Variants in PHACTR4 observed in about 807,000 individuals in gnomAD.
PHACTR4 encodes the protein phosphatase and actin regulator 4.
A neutral mutation model predicts 72.7 loss-of-function variants in PHACTR4; 51 were observed. The ratio of observed to expected loss-of-function variants is 0.70; its 90% CI spans 0.56 to 0.89. PHACTR4 has a LOEUF of 0.89. Among genes scored for constraint, PHACTR4 ranks in the 40% least tolerant of loss-of-function variants. The pLI is 0.00. For missense variants in PHACTR4, 731 were observed against 861.8 expected (o/e 0.85, Z 1.90); for synonymous variants, 255 against 302.5 (o/e 0.84, Z 1.63).
rs1199580376 is a variant in PHACTR4 at position 28,490,950 on chromosome 1, G to A, written c.1817-1G>A. On this transcript the variant is annotated splice_acceptor_variant, in intron 10 of 13. Transcript: ENST00000373839. LOFTEE classifies it high-confidence loss of function. ...TCCTTCCTTCTGATTGTCAACTGTA[G>A]CTAAAAATGAAGCTGATCGTCAGGC... 6.2e-7 allele frequency: 1 copy of A among 1,613,552 alleles called. No individual in the cohort carries two copies. The highest frequency in any genetic ancestry group is 1.7e-5 in the Admixed American group (1 of 59,982).
At position 28,373,383 on chromosome 1, in the gene PHACTR4, C is replaced by T. The variant is rs1240180078; in HGVS notation, c.-39+3558C>T. ...TTGGCTCACTGCAACCTCTGCCTCC[C>T]GGGTTTAAGTGATTCTTCTGCCTCA... On this transcript the variant is annotated intron_variant, in intron 1 of 13. Coordinates refer to ENST00000373839, the MANE Select transcript of PHACTR4 (RefSeq NM_001048183.3). Among the ~76,000 whole-genome samples the T allele has an allele frequency of 4.6e-5, 7 of 152,206 alleles. No homozygotes were observed. The East Asian group carries it at 1.2e-3, about 25-fold the overall frequency.
At chr1:28,423,596 G>A (rs902464880) in intron 2 of PHACTR4, among the ~76,000 whole-genome samples, 1 of 152,120 alleles carries the variant, frequency 6.6e-6, no homozygotes, top group Non-Finnish European at 1.5e-5. Context: ...GAGAGTTTTT[G>A]TTGTATATGT....
At chr1:28,439,860 T>C (rs553747097) in intron 2 of PHACTR4, among the ~76,000 whole-genome samples, 36 of 152,290 alleles carry the variant, frequency 2.4e-4, no homozygotes, top group Non-Finnish European at 3.5e-4. Flanking sequence ...TGTTAGCAAG[T>C]ATAGTAAGGA....
At chr1:28,421,005 GT>G (rs1262716128) in intron 2 of PHACTR4, among the ~76,000 whole-genome samples, 2 of 152,140 alleles carry the variant, frequency 1.3e-5, no homozygotes, top group Admixed American at 6.5e-5. Flanking sequence ...GTCACACTAA[GT>G]TTTGTAAGGT....
intron 2 of PHACTR4, among the ~76,000 whole-genome samples, chr1:28,449,475 C>A (rs1415768354): frequency 2.0e-5 from 3 of 152,032 alleles, no homozygotes; most frequent in Admixed American, 6.6e-5. Flanking sequence ...TAATATGTAT[C>A]TATAGCAAAT....
In PHACTR4 at chr1:28,487,717, G is replaced by GTT. The variant is rs1320016675; in HGVS notation, c.1761-1448_1761-1447dup. Reference sequence around the variant, plus strand: ...CTGATTTCAAAAATGACAAATTGTAGTTTTTTGTTGTTTTTTTTTTTTTTT... The same window carrying GTT: ...CTGATTTCAAAAATGACAAATTGTAGTTTTTTTTGTTGTTTTTTTTTTTTTTT... On this transcript the variant is annotated intron_variant, in intron 9 of 13. Coordinates refer to ENST00000373839, the MANE Select transcript of PHACTR4 (RefSeq NM_001048183.3). Among the ~76,000 whole-genome samples, 609 of 102,400 alleles carry GTT rather than the reference G, an allele frequency of 5.9e-3. 43 individuals are homozygous for GTT. Among genetic ancestry groups the GTT allele is most frequent in the African/African-American group, 0.024 (584 of 24,606 alleles). The allele number at this position is 102,400 out of a possible 152,430, so 67.2% of individuals were successfully genotyped here.
intron 1 of PHACTR4, among the ~76,000 whole-genome samples, chr1:28,375,968 C>T (rs1651626939): frequency 6.6e-6 from 1 of 152,026 alleles, no homozygotes; most frequent in Admixed American, 6.6e-5. Flanking sequence ...ACTTGGGAGG[C>T]TGAGGCAGGA....
At chr1:28,399,077 C>T (rs1653749953) in intron 1 of PHACTR4, among the ~76,000 whole-genome samples, 2 of 151,902 alleles carry the variant, frequency 1.3e-5, no homozygotes, top group Admixed American at 1.3e-4. Context: ...TTTGGGAGGC[C>T]GAGGCGGGTG....
At chr1:28,403,348 A>T (rs1471179801) in intron 1 of PHACTR4, among the ~76,000 whole-genome samples, 1 of 152,066 alleles carries the variant, frequency 6.6e-6, no homozygotes, top group East Asian at 1.9e-4. Context: ...CTGGGCTTAC[A>T]CCCTGGTCTT....
At chr1:28,485,077 T>C (rs1162714392) in intron 9 of PHACTR4, among the ~76,000 whole-genome samples, 3 of 152,150 alleles carry the variant, frequency 2.0e-5, no homozygotes, top group African/African-American at 7.2e-5. Flanking sequence ...GACATTAATA[T>C]GAGTAAGCCA....
rs113149881 is a variant in PHACTR4 at position 28,459,248 on chromosome 1, G to A, written c.180G>A (p.Glu60=). ...RKKKSSDKFK[E]TSEVLERKIS... ...AAAAAAGTAGTGATAAATTTAAAGAGACTTCAGAAGGTGAGATATTAAGGG... is the reference window on the plus strand; with the variant it reads ...AAAAAAGTAGTGATAAATTTAAAGAAACTTCAGAAGGTGAGATATTAAGGG... Residue 60 remains glutamate (E), a synonymous_variant, in exon 3 of 14, where the codon GAG becomes GAA. Coordinates refer to ENST00000373839, the MANE Select transcript of PHACTR4 (RefSeq NM_001048183.3). 1,770 of 1,612,726 alleles carry A rather than the reference G, an allele frequency of 1.1e-3. 13 individuals carry two copies. In the African/African-American group the frequency reaches 0.021, roughly 19 times the overall value.
chr1:28,375,836 G>C (rs944201582), intron 1 of PHACTR4, among the ~76,000 whole-genome samples: 2 of 152,144 alleles, frequency 1.3e-5, no homozygotes, highest in African/African-American at 4.8e-5. Context: ...GTGGGAGGCC[G>C]AGGTGGGTGG....
intron 2 of PHACTR4, chr1:28,453,565 C>A (rs1570002539): frequency 8.0e-6 from 6 of 753,900 alleles, no homozygotes; most frequent in Non-Finnish European, 1.3e-5. Flanking sequence ...GAGAGTGGGA[C>A]TTGGGCAGCA....
chr1:28,484,373 G>A (rs1660488069), intron 9 of PHACTR4, among the ~76,000 whole-genome samples: 1 of 151,930 alleles, frequency 6.6e-6, no homozygotes, highest in Non-Finnish European at 1.5e-5. Flanking sequence ...TGTAGTCCTA[G>A]CTACGTGGGA....
chr1:28,406,968 C>G (rs992074485), intron 1 of PHACTR4, among the ~76,000 whole-genome samples: 2 of 151,822 alleles, frequency 1.3e-5, no homozygotes, highest in African/African-American at 4.8e-5. Context: ...ATTTTTCTTA[C>G]AAAAAAACTT....
chr1:28,371,971 T>G (rs1651281183), intron 1 of PHACTR4, among the ~76,000 whole-genome samples: 1 of 151,898 alleles, frequency 6.6e-6, no homozygotes, highest in African/African-American at 2.4e-5. Context: ...AACCTCTTCC[T>G]CCTGGTTTCA....
intron 12 of PHACTR4, 41 bp from the exon 13 acceptor site, chr1:28,492,974 C>T (rs1661127845): frequency 6.5e-7 from 1 of 1,529,738 alleles, no homozygotes; most frequent in Non-Finnish European, 9.1e-7. Flanking sequence ...CTGTGCAAAG[C>T]AGCCAGAAGA....
chr1:28,379,913 G>A (rs1652018032), intron 1 of PHACTR4, among the ~76,000 whole-genome samples: 1 of 151,626 alleles, frequency 6.6e-6, no homozygotes, highest in Non-Finnish European at 1.5e-5. Context: ...TTCCATAATT[G>A]TAAAATTATT....
chr1:28,397,704 C>CTTT (rs201612295), intron 1 of PHACTR4, among the ~76,000 whole-genome samples: 1 of 136,436 alleles, frequency 7.3e-6, no homozygotes, highest in African/African-American at 2.7e-5. Context: ...ATAATTTTTG[C>CTTT]TTTTTTTTTT....
Sources: allele counts gnomAD v4.1 joint callset (sites outside exome capture counted in the v4.1 genomes callset), GRCh38; gene constraint gnomAD v4.1.1; transcripts MANE v1.5; gene names NCBI Gene and HGNC (gene_info 2026-07-23, HGNC 2026-07-21).